The following RLIG1 variants were observed in gnomAD, a reference collection of about 807,000 sequenced individuals.
RLIG1 encodes RNA 5'-phosphate and 3'-OH ligase 1.
chr12:88,036,732 T>C, the RLIG1 span, among the ~76,000 whole-genome samples: 1 of 152,224 alleles, frequency 6.6e-6, no homozygotes, highest in African/African-American at 2.4e-5. Context: ...GTCCTGCTCA[T>C]TGCACCACCT....
At chr12:88,046,670 A>G in the RLIG1 span, 1 of 769,360 alleles carries the variant, frequency 1.3e-6, no homozygotes, top group Non-Finnish European at 2.0e-6. Flanking sequence ...ACTGGGTTAT[A>G]TTCTTTTTAA....
the RLIG1 span, chr12:88,049,237 AAGC>A: frequency 1.5e-5 from 24 of 1,608,648 alleles, no homozygotes; most frequent in Non-Finnish European, 2.0e-5. Flanking sequence ...AACTCTTCAG[AAGC>A]AGCAACAGGG....
chr12:88,039,369 A>G, the RLIG1 span, among the ~76,000 whole-genome samples: 1 of 152,138 alleles, frequency 6.6e-6, no homozygotes, highest in Admixed American at 6.5e-5. Flanking sequence ...GGAAAGTCTC[A>G]TGTACTGAAG....
chr12:88,039,341 T>C, the RLIG1 span, among the ~76,000 whole-genome samples: 1 of 152,158 alleles, frequency 6.6e-6, no homozygotes, highest in East Asian at 1.9e-4. Flanking sequence ...CAAAAATGTT[T>C]GTGCTTATAA....
At chr12:88,046,729 T>C in the RLIG1 span, 1 of 1,328,442 alleles carries the variant, frequency 7.5e-7, no homozygotes, top group Non-Finnish European at 1.0e-6. Flanking sequence ...TTCAAAAGAC[T>C]TTATTTGAAG....
chr12:88,035,705 G>C, the RLIG1 span: 1 of 1,607,006 alleles, frequency 6.2e-7, no homozygotes, highest in East Asian at 2.2e-5. Flanking sequence ...TGACGGAGGT[G>C]AAAGAGGAGC....
At chr12:88,045,172 G>T in the RLIG1 span, 22 of 161,336 alleles carry the variant, frequency 1.4e-4, no homozygotes, top group Admixed American at 9.6e-4. Context: ...TAAATTGTTC[G>T]GTATATATTG....
the RLIG1 span, chr12:88,048,472 C>T: frequency 1.1e-6 from 1 of 927,428 alleles, no homozygotes; most frequent in South Asian, 2.2e-5. Context: ...GAATATTCTA[C>T]CATATTTAAA....
At chr12:88,036,016 T>TC in the RLIG1 span, 2 of 1,486,306 alleles carry the variant, frequency 1.3e-6, no homozygotes, top group Admixed American at 4.1e-5. Context: ...ATAACTCACA[T>TC]CCACAGCATG....
chr12:88,042,759 T>C, the RLIG1 span: 1 of 1,048,076 alleles, frequency 9.5e-7, no homozygotes. Flanking sequence ...CAAACTGTAT[T>C]CTGAAATGTC....
chr12:88,042,979 C>T, the RLIG1 span: 3 of 1,069,218 alleles, frequency 2.8e-6, no homozygotes, highest in Admixed American at 8.6e-5. Context: ...ATATTTATTG[C>T]TGTGGTATTT....
At chr12:88,048,398 C>CAAAG in the RLIG1 span, 6 of 1,495,418 alleles carry the variant, frequency 4.0e-6, no homozygotes, top group Non-Finnish European at 5.5e-6. Context: ...TTGTTAGACT[C>CAAAG]AAAGATATAA....
chr12:88,035,800 C>G, the RLIG1 span: 3 of 1,550,360 alleles, frequency 1.9e-6, no homozygotes, highest in Non-Finnish European at 2.6e-6. Flanking sequence ...GGCGCTGGCT[C>G]AGTGCGAACC....
the RLIG1 span, chr12:88,046,963 G>A: frequency 1.2e-6 from 2 of 1,607,462 alleles, no homozygotes; most frequent in Non-Finnish European, 1.7e-6. Context: ...TGCAGTGATG[G>A]CTGTTTAATA....
chr12:88,040,835 C>T, the RLIG1 span, among the ~76,000 whole-genome samples: 10 of 151,740 alleles, frequency 6.6e-5, no homozygotes, highest in Non-Finnish European at 1.2e-4. Flanking sequence ...GTGAGATTAC[C>T]TCTCACTTCC....
chr12:88,041,243 A>C, the RLIG1 span, among the ~76,000 whole-genome samples: 4 of 152,124 alleles, frequency 2.6e-5, no homozygotes, highest in Non-Finnish European at 4.4e-5. Context: ...TAATGTCCTT[A>C]AGGTTCATTC....
the RLIG1 span, chr12:88,042,992 A>G: frequency 1.2e-6 from 1 of 831,670 alleles, no homozygotes; most frequent in East Asian, 2.9e-5. Flanking sequence ...TGGTATTTCT[A>G]TACATTATAT....
chr12:88,036,160 C>A, the RLIG1 span: 2 of 1,122,610 alleles, frequency 1.8e-6, no homozygotes, highest in South Asian at 1.3e-5. Flanking sequence ...CCTGTTCTGT[C>A]CGAACCAGTG....
At chr12:88,048,281 C>G in the RLIG1 span, 6 of 1,598,348 alleles carry the variant, frequency 3.8e-6, no homozygotes, top group Non-Finnish European at 5.1e-6. Flanking sequence ...CAGATACTTA[C>G]ATGAATTCAA....
Sources: gnomAD v4.1 joint callset for allele counts (sites outside exome capture counted in the v4.1 genomes callset) on GRCh38, gnomAD v4.1.1 for gene constraint, MANE v1.5 for transcripts, NCBI Gene and HGNC (gene_info 2026-07-23, HGNC 2026-07-21) for gene names.